The following FAM199X variants were observed in gnomAD, a reference collection of about 807,000 sequenced individuals.
FAM199X encodes family with sequence similarity 199, X-linked, also known as protein FAM199X.
In FAM199X, 4 loss-of-function variants were observed where a neutral mutation model predicts 22.9. The observed-to-expected ratio is 0.17, with a 90% CI of 0.09 to 0.40. The LOEUF is 0.40. FAM199X is among the 10% of genes least tolerant of loss of function. The probability of loss-of-function intolerance (pLI) is 1.00; values close to 1 mark genes in which losing one functional copy is unlikely to be tolerated. For missense variants in FAM199X, 183 were observed against 306.8 expected, an observed-to-expected ratio of 0.60 and a Z score of 3.01; for synonymous variants, 101 against 112.3, an observed-to-expected ratio of 0.90 and a Z score of 0.64.
At position 104,175,770 on chromosome X, in the gene FAM199X, G is replaced by A. The variant is rs537281350; in HGVS notation, c.345G>A (p.Gly115=). Reference sequence around the variant, plus strand: ...CTTCTTTTGATTTATTTCCTGAGGGGAGTGTCTGCAGTGATGTCTCTTCTT... The same window carrying A: ...CTTCTTTTGATTTATTTCCTGAGGGAAGTGTCTGCAGTGATGTCTCTTCTT... ...DFTSFDLFPE[G]SVCSDVSSSI... The change falls in exon 2 of 6, where the codon GGG becomes GGA. Residue 115 remains glycine (G), a synonymous_variant. Transcript: ENST00000493442. The A allele has an allele frequency of 4.0e-4, 484 of 1,209,657 alleles. 4 individuals carry two copies. The South Asian group carries it at 8.1e-3, about 20-fold the overall frequency.
At chrX:104,159,631 C>CA in the FAM199X span, among the ~76,000 whole-genome samples, 1 of 112,339 alleles carries the variant, frequency 8.9e-6, no homozygotes, top group East Asian at 2.8e-4. Flanking sequence ...ATATATATGA[C>CA]AGTGTTTCTA....
intron 2 of FAM199X, among the ~76,000 whole-genome samples, chrX:104,176,598 G>A (rs1026822213): frequency 3.6e-5 from 4 of 112,425 alleles, no homozygotes; most frequent in Non-Finnish European, 7.5e-5. Flanking sequence ...ATTTCAAACA[G>A]CTTTCAAATA....
At chrX:104,169,514 A>T (rs1044064191) in intron 1 of FAM199X, among the ~76,000 whole-genome samples, 2 of 112,103 alleles carry the variant, frequency 1.8e-5, no homozygotes, top group African/African-American at 6.5e-5. Context: ...ATTTTCATTA[A>T]CAAAGACAGT....
intron 1 of FAM199X, among the ~76,000 whole-genome samples, chrX:104,169,286 T>A (rs1244902034): frequency 3.6e-5 from 4 of 112,494 alleles, no homozygotes; most frequent in African/African-American, 1.3e-4. Flanking sequence ...AGTTGAGTGC[T>A]GAAATTCTGC....
At chrX:104,168,423 T>C (rs1556374566) in intron 1 of FAM199X, among the ~76,000 whole-genome samples, 1 of 112,666 alleles carries the variant, frequency 8.9e-6, no homozygotes, top group South Asian at 3.6e-4. Context: ...CAGAAGCCTA[T>C]TTAACCCCTG....
At chrX:104,187,217 G>A (rs1921829113) in intron 4 of FAM199X, among the ~76,000 whole-genome samples, 1 of 109,735 alleles carries the variant, frequency 9.1e-6, no homozygotes, top group African/African-American at 3.3e-5. Flanking sequence ...CCAAGTAGCA[G>A]GGATTACAGG....
the FAM199X span, among the ~76,000 whole-genome samples, chrX:104,160,317 T>C: frequency 1.8e-5 from 2 of 113,037 alleles, no homozygotes; most frequent in South Asian, 7.2e-4. Flanking sequence ...ACCAGCAGAC[T>C]ACATTCTATC....
intron 1 of FAM199X, among the ~76,000 whole-genome samples, chrX:104,167,290 C>T (rs1461298460): frequency 9.6e-6 from 1 of 104,623 alleles, no homozygotes. Flanking sequence ...ATCCCAAACC[C>T]CCACCCTTGA....
At chrX:104,179,165 G>A (rs1318722110) in intron 2 of FAM199X, among the ~76,000 whole-genome samples, 4 of 111,604 alleles carry the variant, frequency 3.6e-5, no homozygotes, top group Non-Finnish European at 7.5e-5. Flanking sequence ...CAGGTTGCCC[G>A]TTTTTCAAAA....
rs1179783601 is a variant in FAM199X at position 104,190,546 on chromosome X, G to A, written c.*768G>A. The A allele has an allele frequency of 1.8e-5, 2 of 111,944 alleles. No individual in the cohort carries two copies. The highest frequency in any genetic ancestry group is 1.9e-4 in the Admixed American group (2 of 10,540). The allele number at this position is 111,944 out of a possible 1,213,427, so 9.2% of individuals were successfully genotyped here. A position where few individuals can be genotyped will look rare whatever the true frequency, so the allele number is the denominator to read the frequency against. On this transcript the variant is annotated 3_prime_UTR_variant, in exon 6 of 6. Coordinates refer to ENST00000493442, the MANE Select transcript of FAM199X (RefSeq NM_207318.4). ...TTACTAGTAGCTGAATTTTAGACTT[G>A]ATGCTATGTTGATTAATATTTAAAT...
At chrX:104,180,347 G>A (rs1462822601) in intron 2 of FAM199X, among the ~76,000 whole-genome samples, 2 of 104,378 alleles carry the variant, frequency 1.9e-5, no homozygotes, top group African/African-American at 7.0e-5. Context: ...AGACTACAAG[G>A]ATTCTTAGTA....
At chrX:104,179,300 G>T (rs1556377239) in intron 2 of FAM199X, among the ~76,000 whole-genome samples, 1 of 111,692 alleles carries the variant, frequency 9.0e-6, no homozygotes, top group Non-Finnish European at 1.9e-5. Flanking sequence ...TATTTATTTA[G>T]GGCCTCTTTA....
intron 2 of FAM199X, among the ~76,000 whole-genome samples, chrX:104,184,201 C>T (rs1344546571): frequency 1.8e-5 from 2 of 112,334 alleles, no homozygotes; most frequent in Non-Finnish European, 1.9e-5. Flanking sequence ...TTTGAATCCC[C>T]TGTACCTATT....
At chrX:104,188,443 T>C in intron 5 of FAM199X, 137 bp downstream of exon 5, 1 of 755,188 alleles carries the variant, frequency 1.3e-6, no homozygotes, top group African/African-American at 2.1e-5. Flanking sequence ...ACAAGCAGGA[T>C]GCTCTGCTGT....
the FAM199X span, among the ~76,000 whole-genome samples, chrX:104,160,523 G>A: frequency 0.047 from 5,246 of 112,256 alleles, 266 homozygotes; most frequent in African/African-American, 0.16. Context: ...ACTCTGTGTT[G>A]TCAAAGATGA....
chrX:104,166,779 T>C lies in FAM199X; in HGVS notation c.-7T>C. ...GAGAGGGAGCCCGAGCCAGGCCATC[T>C]CCAACCATGTCCGACGAGGCCTCGG... On this transcript the variant is annotated 5_prime_UTR_variant, in exon 1 of 6. Coordinates refer to ENST00000493442, the MANE Select transcript of FAM199X (RefSeq NM_207318.4). The C allele has an allele frequency of 5.0e-6, 6 of 1,198,346 alleles. No homozygotes were observed. The highest frequency in any genetic ancestry group is 6.7e-6 in the Non-Finnish European group (6 of 889,176).
intron 2 of FAM199X, among the ~76,000 whole-genome samples, chrX:104,183,490 A>T (rs1556378344): frequency 3.7e-5 from 4 of 108,294 alleles, no homozygotes; most frequent in Non-Finnish European, 7.7e-5. Context: ...TTTTTTTGAG[A>T]TGGTCGCTCT....
intron 1 of FAM199X, among the ~76,000 whole-genome samples, chrX:104,172,975 T>C (rs1556375688): frequency 9.0e-6 from 1 of 111,160 alleles, no homozygotes; most frequent in African/African-American, 3.3e-5. Flanking sequence ...CAGAATGTAT[T>C]TTTGTTTTGT....
Position 104,186,158 on chromosome X carries a change from A to G in FAM199X, c.510A>G (p.Lys170=). ...PSSPCLLPKK[K]NKHRNLDELP... Reference sequence around the variant, plus strand: ...CACCTTGCCTGCTTCCTAAAAAGAAAAACAAGCACCGGAATTTAGATGAAC... The same window carrying G: ...CACCTTGCCTGCTTCCTAAAAAGAAGAACAAGCACCGGAATTTAGATGAAC... Residue 170 remains lysine, a synonymous_variant, in exon 3 of 6, where the codon AAA becomes AAG. Transcript: ENST00000493442. The G allele has an allele frequency of 8.3e-7, 1 of 1,211,442 alleles. No individual in the cohort carries two copies.
Sources: allele counts gnomAD v4.1 joint callset (sites outside exome capture counted in the v4.1 genomes callset), GRCh38; gene constraint gnomAD v4.1.1; transcripts MANE v1.5; gene names NCBI Gene and HGNC (gene_info 2026-07-23, HGNC 2026-07-21).